Variants in TMCC1 observed in about 807,000 individuals in gnomAD.
TMCC1 encodes transmembrane and coiled-coil domain family 1.
TMCC1 carries 15 observed loss-of-function variants against 52.4 expected under a neutral mutation model. The ratio of observed to expected loss-of-function variants is 0.29; its 90% CI spans 0.19 to 0.44. The LOEUF (loss-of-function observed/expected upper bound fraction) is 0.44, where lower values mean the gene tolerates loss of function less well. Ranked by LOEUF, TMCC1 falls within the 20% of genes least tolerant of loss-of-function variation. The pLI, the probability that TMCC1 is intolerant of heterozygous loss-of-function variation, is 1.00. For missense variants in TMCC1, 503 were observed against 806.0 expected (o/e 0.62, Z 4.55); for synonymous variants, 279 against 301.9 (o/e 0.92, Z 0.79).
chr3:129,657,674 T>C (rs2108852824), intron 5 of TMCC1, among the ~76,000 whole-genome samples: 1 of 152,298 alleles, frequency 6.6e-6, no homozygotes, highest in African/African-American at 2.4e-5. Context: ...ACTGATGTGA[T>C]GGTTTGGAGT....
chr3:129,820,160 A>G (rs1449792085), intron 4 of TMCC1, among the ~76,000 whole-genome samples: 1 of 150,154 alleles, frequency 6.7e-6, no homozygotes, highest in Non-Finnish European at 1.5e-5. Flanking sequence ...GGTCAAAAGC[A>G]TGACTTCTAG....
intron 2 of TMCC1, among the ~76,000 whole-genome samples, chr3:129,874,845 C>G (rs1158944340): frequency 6.6e-6 from 1 of 151,944 alleles, no homozygotes; most frequent in African/African-American, 2.4e-5. Context: ...AAGAGCAAGA[C>G]CCTATCTCTA....
intron 4 of TMCC1, among the ~76,000 whole-genome samples, chr3:129,682,183 A>G (rs2089046925): frequency 1.3e-5 from 2 of 152,094 alleles, no homozygotes; most frequent in Non-Finnish European, 1.5e-5. Context: ...TGCAGTGGCT[A>G]TTCATGGGCG....
At chr3:129,852,632 C>T (rs2059969489) in intron 2 of TMCC1, among the ~76,000 whole-genome samples, 1 of 152,052 alleles carries the variant, frequency 6.6e-6, no homozygotes, top group South Asian at 2.1e-4. Flanking sequence ...GATGGTTACA[C>T]ATTATGAATG....
intron 4 of TMCC1, among the ~76,000 whole-genome samples, chr3:129,780,587 T>C (rs1002195891): frequency 6.6e-6 from 1 of 152,100 alleles, no homozygotes; most frequent in Non-Finnish European, 1.5e-5. Flanking sequence ...ATACCCAAAC[T>C]TGAATTTACA....
At chr3:129,855,339 C>T (rs2060105950) in intron 2 of TMCC1, among the ~76,000 whole-genome samples, 1 of 152,124 alleles carries the variant, frequency 6.6e-6, no homozygotes, top group Non-Finnish European at 1.5e-5. Flanking sequence ...CTTAATACTT[C>T]ATGTCAAGTC....
chr3:129,651,927 GAATGTAA>G lies in TMCC1; in HGVS notation c.1648-139_1648-133del. Reference sequence around the variant, plus strand: ...TTATAAATATGCTGGAGCCTTGAATGAATGTAAAAGGCTAGATGTATAACTCACTATT... The same window carrying G: ...TTATAAATATGCTGGAGCCTTGAATGAAGGCTAGATGTATAACTCACTATT... On this transcript the variant is annotated intron_variant, in intron 6 of 6. Transcript: ENST00000393238. The surrounding 1 kb of genome is among the most constrained non-coding windows in gnomAD (Gnocchi z 5.1). 1.0e-6 allele frequency: 1 copy of G among 1,002,400 alleles called. No individual in the cohort carries two copies. Among genetic ancestry groups the G allele is most frequent in the East Asian group, 2.6e-5 (1 of 37,972 alleles). 62.1% of individuals were successfully genotyped at this position (1,002,400 alleles called of 1,614,324 possible).
chr3:129,839,342 T>G (rs953393742), intron 2 of TMCC1, among the ~76,000 whole-genome samples: 2 of 151,886 alleles, frequency 1.3e-5, no homozygotes, highest in African/African-American at 4.8e-5. Context: ...CCTGAAAAAC[T>G]CAGGTTATTT....
intron 4 of TMCC1, among the ~76,000 whole-genome samples, chr3:129,823,503 A>G (rs1254819421): frequency 6.6e-6 from 1 of 152,190 alleles, no homozygotes; most frequent in Non-Finnish European, 1.5e-5. Context: ...ATTGACCAAC[A>G]GGATCATAGG....
intron 4 of TMCC1, among the ~76,000 whole-genome samples, chr3:129,757,558 T>C (rs554323923): frequency 5.3e-5 from 8 of 152,272 alleles, no homozygotes; most frequent in Middle Eastern, 3.4e-3. Flanking sequence ...TGGTTGCTCA[T>C]GCCTGTAATC....
rs550398948 is a variant in TMCC1 at position 129,726,868 on chromosome 3, C to CAAAAAA, written c.577-55610_577-55605dup. On this transcript the variant is annotated intron_variant, in intron 4 of 6. Transcript: ENST00000393238. Reference sequence around the variant, plus strand: ...TGGGTAACAGAGCAAGACTCTGTCTCAAAAAAAAAAAAAAAAAAAAAAAAA... The same window carrying CAAAAAA: ...TGGGTAACAGAGCAAGACTCTGTCTCAAAAAAAAAAAAAAAAAAAAAAAAAAAAAAA... Among the ~76,000 whole-genome samples the CAAAAAA allele has an allele frequency of 1.0e-3, 13 of 12,820 alleles. 4 individuals carry two copies. The highest frequency in any genetic ancestry group is 1.5e-3 in the African/African-American group (7 of 4,606). The allele number at this position is 12,820 out of a possible 152,430, so 8.4% of individuals were successfully genotyped here.
At chr3:129,728,840 G>A (rs911623937) in intron 4 of TMCC1, among the ~76,000 whole-genome samples, 9 of 152,126 alleles carry the variant, frequency 5.9e-5, no homozygotes, top group Non-Finnish European at 1.0e-4. Context: ...ATAACTTTCT[G>A]AGACTGATTT....
At chr3:129,766,533 C>G (rs1486385439) in intron 4 of TMCC1, among the ~76,000 whole-genome samples, 1 of 152,186 alleles carries the variant, frequency 6.6e-6, no homozygotes, top group African/African-American at 2.4e-5. Context: ...AAGCAATTAA[C>G]AAATGTTAGC....
chr3:129,725,087 A>C (rs1262084483), intron 4 of TMCC1, among the ~76,000 whole-genome samples: 3 of 152,348 alleles, frequency 2.0e-5, no homozygotes, highest in South Asian at 2.1e-4. Flanking sequence ...ATTTGTACCC[A>C]AAAACCTAAA....
At chr3:129,760,459 T>TGTGTGC (rs2053457653) in intron 4 of TMCC1, among the ~76,000 whole-genome samples, 1 of 60,240 alleles carries the variant, frequency 1.7e-5, no homozygotes, top group Non-Finnish European at 2.7e-5. Context: ...TCGCTCTGTG[T>TGTGTGC]GTGTGTGTGT....
rs544290440 is a variant in TMCC1 at position 129,737,838 on chromosome 3, T to TA, written c.577-66575dup. On this transcript the variant is annotated intron_variant, in intron 4 of 6. Transcript: ENST00000393238. ...GATATCATCTAATATTCAATGATAT[T>TA]AAAAAGTTGACCACTTAAAATAGTT... 3.9e-5 allele frequency among the ~76,000 whole-genome samples: 6 copies of TA among 152,316 alleles called. No homozygotes were observed. The South Asian group carries it at 1.2e-3, about 32-fold the overall frequency.
intron 4 of TMCC1, among the ~76,000 whole-genome samples, chr3:129,710,506 T>C (rs544327701): frequency 9.2e-5 from 14 of 152,124 alleles, no homozygotes; most frequent in South Asian, 6.2e-4. Context: ...TCATGAGAAG[T>C]TGGAATTCTT....
At position 129,800,969 on chromosome 3, in the gene TMCC1, G is replaced by T. The variant is rs969669351; in HGVS notation, c.576+26834C>A. On this transcript the variant is annotated intron_variant, in intron 4 of 6. Transcript: ENST00000393238. ...TTGAGATGGAATCTCGCTTGCCCAG[G>T]CTGGAATGCAGTGGCGCGATCTTGG... Among the ~76,000 whole-genome samples, 5 of 145,078 alleles carry T rather than the reference G, an allele frequency of 3.4e-5. No homozygotes were observed. In the South Asian group the frequency reaches 1.1e-3, roughly 31 times the overall value.
chr3:129,790,308 T>G (rs1356593521), intron 4 of TMCC1, among the ~76,000 whole-genome samples: 1 of 152,220 alleles, frequency 6.6e-6, no homozygotes, highest in Non-Finnish European at 1.5e-5. Context: ...GGCATTTATC[T>G]TTCATGTTAG....
Sources: gnomAD v4.1 joint callset for allele counts (sites outside exome capture counted in the v4.1 genomes callset) on GRCh38, gnomAD v4.1.1 for gene constraint, Gnocchi (gnomAD v3.1) non-coding constraint, MANE v1.5 for transcripts, NCBI Gene and HGNC (gene_info 2026-07-23, HGNC 2026-07-21) for gene names.